Variants in LINC00237 observed in about 807,000 individuals in gnomAD.
LINC00237 encodes the protein long intergenic non-protein coding RNA 237.
At position 21,086,729 on chromosome 20, in the gene LINC00237, GTATAC is replaced by G. The variant is rs1462067967; in HGVS notation, n.560-846_560-842del. Among the ~76,000 whole-genome samples, 6 of 32,850 alleles carry G rather than the reference GTATAC, an allele frequency of 1.8e-4. 1 individual carries two copies. The highest frequency in any genetic ancestry group is 3.4e-4 in the Admixed American group (1 of 2,942). The allele number at this position is 32,850 out of a possible 152,430, so 21.6% of individuals were successfully genotyped here. A position where few individuals can be genotyped will look rare whatever the true frequency, so the allele number is the denominator to read the frequency against. On this transcript the variant is annotated intron_variant and non_coding_transcript_variant, in intron 3 of 3. Transcript: ENST00000691244. ...TATATATACATATATACTATATATA[GTATAC>G]TATACTATACATGTACTATATATAT... is the stretch of plus-strand genomic sequence containing the variant.
At chr20:21,104,830 GACAGACAC>G (rs1330069462) in intron 1 of LINC00237, among the ~76,000 whole-genome samples, 4 of 152,158 alleles carry the variant, frequency 2.6e-5, no homozygotes, top group East Asian at 1.9e-4. Flanking sequence ...GACACACACA[GACAGACAC>G]ACAGACACAC....
chr20:21,089,447 C>G (rs758523776), intron 2 of LINC00237, among the ~76,000 whole-genome samples: 1 of 151,746 alleles, frequency 6.6e-6, no homozygotes, highest in Non-Finnish European at 1.5e-5. Flanking sequence ...GGAAGGGAAA[C>G]GAGAAAAAAG....
intron 1 of LINC00237, among the ~76,000 whole-genome samples, chr20:21,095,412 T>C (rs943318924): frequency 1.3e-5 from 2 of 152,062 alleles, no homozygotes; most frequent in African/African-American, 4.8e-5. Context: ...TGAAAAAAAA[T>C]AAACTGTTGT....
At chr20:21,103,353 GAACTAGATGGCTGGA>G (rs1167931218) in intron 1 of LINC00237, among the ~76,000 whole-genome samples, 12 of 149,520 alleles carry the variant, frequency 8.0e-5, no homozygotes, top group Admixed American at 8.0e-4. Flanking sequence ...CGGTGGCAGG[GAACTAGATGGCTGGA>G]TGCCTTTGCC....
intron 1 of LINC00237, among the ~76,000 whole-genome samples, chr20:21,094,691 T>TCCAATTAG: frequency 6.6e-6 from 1 of 152,192 alleles, no homozygotes; most frequent in Non-Finnish European, 1.5e-5. Flanking sequence ...AATTGGAGGC[T>TCCAATTAG]GAAGTGAGCT....
chr20:21,099,659 C>CT (rs542343463), intron 1 of LINC00237, among the ~76,000 whole-genome samples: 403 of 152,156 alleles, frequency 2.6e-3, no homozygotes, highest in Non-Finnish European at 3.6e-3. Context: ...AGGCGCCCTT[C>CT]TTTTTTTATA....
At chr20:21,093,727 G>A (rs920609367) in exon 2 of LINC00237, 2 of 152,168 alleles carry the variant, frequency 1.3e-5, no homozygotes, top group Admixed American at 1.3e-4. Flanking sequence ...AATGTCTCCC[G>A]GACTACTGGC....
At chr20:21,098,276 GCAGA>G (rs545783883) in intron 1 of LINC00237, among the ~76,000 whole-genome samples, 38 of 152,246 alleles carry the variant, frequency 2.5e-4, no homozygotes, top group African/African-American at 8.7e-4. Flanking sequence ...ATAATAGGAT[GCAGA>G]CAGAGACCCC....
chr20:21,093,834 C>A (rs975876749), exon 2 of LINC00237: 1 of 152,284 alleles, frequency 6.6e-6, no homozygotes. Flanking sequence ...CCAGCACATT[C>A]ATGCTGCCCC....
intron 1 of LINC00237, among the ~76,000 whole-genome samples, chr20:21,105,356 C>T (rs919672922): frequency 6.7e-6 from 1 of 149,636 alleles, no homozygotes; most frequent in Non-Finnish European, 1.5e-5. Flanking sequence ...GGCCTGCCCT[C>T]CTCGGGCTAA....
At chr20:21,102,469 A>C (rs933811756) in intron 1 of LINC00237, among the ~76,000 whole-genome samples, 1 of 152,332 alleles carries the variant, frequency 6.6e-6, no homozygotes, top group South Asian at 2.1e-4. Context: ...TCCAGGTCAC[A>C]GGACCCACTA....
At chr20:21,105,666 G>C (rs910846574) in intron 1 of LINC00237, among the ~76,000 whole-genome samples, 1 of 152,202 alleles carries the variant, frequency 6.6e-6, no homozygotes, top group Non-Finnish European at 1.5e-5. Flanking sequence ...GTGCCGGCCA[G>C]GAGTCCCTCC....
intron 3 of LINC00237, among the ~76,000 whole-genome samples, chr20:21,086,649 C>CTATACATA (rs2030703455): frequency 8.1e-6 from 1 of 124,106 alleles, no homozygotes; most frequent in African/African-American, 3.1e-5. Flanking sequence ...ATATAGTATA[C>CTATACATA]TATATATGTA....
intron 2 of LINC00237, chr20:21,092,777 G>T (rs994568036): frequency 3.9e-5 from 6 of 152,184 alleles, no homozygotes; most frequent in Admixed American, 1.3e-4. Context: ...GTGATTAGAT[G>T]ATCAGATGGC....
intron 1 of LINC00237, among the ~76,000 whole-genome samples, chr20:21,104,697 A>G (rs1460008431): frequency 6.6e-6 from 1 of 152,186 alleles, no homozygotes; most frequent in African/African-American, 2.4e-5. Context: ...AATTGCAGTC[A>G]CAACCTACAT....
chr20:21,099,151 C>T (rs1456136342), intron 1 of LINC00237, among the ~76,000 whole-genome samples: 3 of 152,180 alleles, frequency 2.0e-5, no homozygotes, highest in Non-Finnish European at 4.4e-5. Context: ...TTTGGATAAA[C>T]CTGTGCTTTC....
chr20:21,086,852 AC>A (rs1370165615), intron 3 of LINC00237, among the ~76,000 whole-genome samples: 46 of 130,106 alleles, frequency 3.5e-4, no homozygotes, highest in Non-Finnish European at 6.1e-4. Flanking sequence ...TATAGTATAC[AC>A]TATATATGTA....
intron 3 of LINC00237, among the ~76,000 whole-genome samples, chr20:21,086,710 TAC>T (rs1466487011): frequency 1.6e-5 from 2 of 126,084 alleles, no homozygotes; most frequent in Admixed American, 1.6e-4. Context: ...ATACTATATA[TAC>T]ATATATACTA....
At chr20:21,086,815 A>G (rs2030714397) in intron 3 of LINC00237, among the ~76,000 whole-genome samples, 1 of 125,022 alleles carries the variant, frequency 8.0e-6, no homozygotes. Context: ...TATGTATAGT[A>G]TACATATATA....
Sources: allele counts gnomAD v4.1 joint callset (sites outside exome capture counted in the v4.1 genomes callset), GRCh38; gene constraint gnomAD v4.1.1; transcripts MANE v1.5; gene names NCBI Gene and HGNC (gene_info 2026-07-23, HGNC 2026-07-21).